Variants in OSBPL2 observed in about 807,000 individuals in gnomAD.
The protein encoded by OSBPL2 is oxysterol-binding protein-related protein 2.
OSBPL2 carries 18 observed loss-of-function variants against 58.4 expected under a neutral mutation model. That is an observed-to-expected ratio of 0.31 (90% CI 0.21 to 0.46). OSBPL2 has a LOEUF of 0.46. Ranked by LOEUF, OSBPL2 falls within the 20% of genes least tolerant of loss-of-function variation. The probability of loss-of-function intolerance (pLI) is 1.00; values close to 1 mark genes in which losing one functional copy is unlikely to be tolerated. For synonymous variants in OSBPL2, 221 were observed against 234.1 expected, an observed-to-expected ratio of 0.94 and a Z score of 0.51; for missense variants, 461 against 616.5, an observed-to-expected ratio of 0.75 and a Z score of 2.67.
At chr20:62,289,042 G>A (rs1032528850) in intron 11 of OSBPL2, among the ~76,000 whole-genome samples, 165 bp from the exon 12 acceptor site, 6 of 152,186 alleles carry the variant, frequency 3.9e-5, no homozygotes, top group South Asian at 2.1e-4. Flanking sequence ...TAGTGAAGAC[G>A]GCAGAGGCAT....
intron 3 of OSBPL2, among the ~76,000 whole-genome samples, chr20:62,260,860 C>T (rs1981250649): frequency 6.6e-6 from 1 of 152,076 alleles, no homozygotes; most frequent in Non-Finnish European, 1.5e-5. Context: ...CATGGTGGTG[C>T]ACGCCTCTGG....
In OSBPL2 at chr20:62,281,730, G is replaced by A. The variant is rs1982799585; in HGVS notation, c.783-60G>A. On this transcript the variant is annotated intron_variant, in intron 8 of 13. Coordinates refer to ENST00000313733, the MANE Select transcript of OSBPL2 (RefSeq NM_144498.4). Reference sequence around the variant, plus strand: ...TCCACCGCGCTTCTCCTGTTACAGAGTTACCCTTTCCGGCTGTTTGCTGTC... The same window carrying A: ...TCCACCGCGCTTCTCCTGTTACAGAATTACCCTTTCCGGCTGTTTGCTGTC... The A allele has an allele frequency of 2.3e-6, 3 of 1,327,818 alleles. No individual in the cohort carries two copies. The African/African-American group carries it at 4.3e-5, about 19-fold the overall frequency. 82.3% of individuals were successfully genotyped at this position (1,327,818 alleles called of 1,614,324 possible). A position where few individuals can be genotyped will look rare whatever the true frequency, so the allele number is the denominator to read the frequency against.
At chr20:62,252,102 T>C (rs80276526) in intron 1 of OSBPL2, among the ~76,000 whole-genome samples, 1,693 of 151,790 alleles carry the variant, frequency 0.011, 18 homozygotes, top group Non-Finnish European at 0.014. Context: ...CAGGCTGATA[T>C]CCAACCCCTG....
rs1332232680 is a variant in OSBPL2, at chr20:62,272,042, G to C, written c.259-83G>C. 4.6e-6 allele frequency: 7 copies of C among 1,528,932 alleles called. No homozygotes were observed. The African/African-American group carries it at 6.8e-5, about 15-fold the overall frequency. The allele number at this position is 1,528,932 out of a possible 1,614,324, so 94.7% of individuals were successfully genotyped here. The stretch of plus-strand genomic sequence containing the variant: ...ACCCCAGAGGCTGCGGCTCCATGAA[G>C]GGATGCTCAGAGCAGGGGCATCGGG... On this transcript the variant is annotated intron_variant, in intron 4 of 13. Coordinates refer to ENST00000313733, the MANE Select transcript of OSBPL2 (RefSeq NM_144498.4).
At chr20:62,251,247 G>A (rs1980514291) in intron 1 of OSBPL2, among the ~76,000 whole-genome samples, 1 of 151,078 alleles carries the variant, frequency 6.6e-6, no homozygotes. Context: ...GTAGAGACAG[G>A]GTTTCACTGT....
At chr20:62,241,212 C>T (rs1356848823) in intron 1 of OSBPL2, among the ~76,000 whole-genome samples, 1 of 151,930 alleles carries the variant, frequency 6.6e-6, no homozygotes, top group Non-Finnish European at 1.5e-5. Flanking sequence ...GCTCTGTCGC[C>T]CAGGCTGGAG....
intron 10 of OSBPL2, 94 bp downstream of exon 10, chr20:62,284,263 G>A: frequency 6.8e-7 from 1 of 1,470,110 alleles, no homozygotes; most frequent in Admixed American, 1.7e-5. Context: ...GGGGTCCCAG[G>A]GAACCTTTGG....
chr20:62,287,582 T>A (rs4925369), intron 11 of OSBPL2, among the ~76,000 whole-genome samples: 6 of 152,148 alleles, frequency 3.9e-5, no homozygotes, highest in Non-Finnish European at 5.9e-5. Context: ...TCAGCCTCCC[T>A]AGTAGCGAGG....
At chr20:62,279,778 G>A (rs140117015) in intron 7 of OSBPL2, 3 of 221,150 alleles carry the variant, frequency 1.4e-5, no homozygotes, top group African/African-American at 4.7e-5. Flanking sequence ...GTTGCCCATG[G>A]CGCCTGTGTC....
intron 9 of OSBPL2, among the ~76,000 whole-genome samples, chr20:62,283,196 T>C (rs1326474480): frequency 6.6e-6 from 1 of 152,158 alleles, no homozygotes; most frequent in Non-Finnish European, 1.5e-5. Flanking sequence ...AGTGAGTGCA[T>C]GTAAAGTGTG....
chr20:62,280,895 A>T (rs1982736670), intron 7 of OSBPL2, among the ~76,000 whole-genome samples, 163 bp from the exon 8 acceptor site: 1 of 152,258 alleles, frequency 6.6e-6, no homozygotes, highest in Non-Finnish European at 1.5e-5. Flanking sequence ...TTTCAAACGC[A>T]TGCTAAATAC....
chr20:62,268,322 T>C (rs1411702744), intron 4 of OSBPL2, among the ~76,000 whole-genome samples: 1 of 152,166 alleles, frequency 6.6e-6, no homozygotes, highest in Non-Finnish European at 1.5e-5. Flanking sequence ...TTTAATTTTC[T>C]TTTTAAATTA....
In OSBPL2 at chr20:62,291,778, C is replaced by T. The variant is rs1285608037; in HGVS notation, c.1325C>T (p.Ala442Val). 1.2e-6 allele frequency: 2 copies of T among 1,611,612 alleles called. No homozygotes were observed. The highest frequency in any genetic ancestry group is 8.5e-7 in the Non-Finnish European group (1 of 1,179,510). The change falls in exon 13 of 14, where the codon GCA becomes GTA. Residue 442 changes from alanine (A) to valine (V), a missense_variant. Ala to Val is a moderately conservative substitution (Grantham distance 64). Around this residue, in one of 5 missense-constraint regions of OSBPL2, gnomAD observed 319 missense variants for 419.2 expected, o/e 0.76. Coordinates refer to ENST00000313733, the MANE Select transcript of OSBPL2 (RefSeq NM_144498.4). ...EARRERAKEE[A>V]EWQTRWFYPG... is the part of the protein sequence containing the mutation. ...CGGAGGGAGCGGGCCAAGGAGGAGG[C>T]AGAGTGGCAGACGAGGTGAGTACTG...
intron 2 of OSBPL2, among the ~76,000 whole-genome samples, chr20:62,258,770 T>C (rs1293400467): frequency 3.3e-5 from 5 of 152,226 alleles, no homozygotes; most frequent in Non-Finnish European, 7.3e-5. Flanking sequence ...GGGCAGGTCC[T>C]GCCCCACGGA....
chr20:62,238,917 C>T (rs1429289492), intron 1 of OSBPL2: 1 of 152,160 alleles, frequency 6.6e-6, no homozygotes, highest in Non-Finnish European at 1.5e-5. Flanking sequence ...CCCGGGACCC[C>T]CGGCCCGGCC....
intron 1 of OSBPL2, 117 bp downstream of exon 1, chr20:62,238,714 C>T (rs1273730389): frequency 6.7e-6 from 1 of 150,258 alleles, no homozygotes; most frequent in African/African-American, 2.4e-5. Context: ...CGGGCAGGAC[C>T]CGGGTCCGCA....
intron 1 of OSBPL2, among the ~76,000 whole-genome samples, chr20:62,251,857 T>C (rs1980565690): frequency 6.7e-6 from 1 of 148,250 alleles, no homozygotes; most frequent in South Asian, 2.1e-4. Context: ...TCATTTTAAT[T>C]GGTATGCCTT....
chr20:62,251,209 C>T (rs1211146579), intron 1 of OSBPL2, among the ~76,000 whole-genome samples: 1 of 151,166 alleles, frequency 6.6e-6, no homozygotes, highest in East Asian at 2.0e-4. Context: ...GCGCCGGCCA[C>T]CACGCCCGGC....
Position 62,263,709 on chromosome 20 carries a change from T to C in OSBPL2, c.258+18T>C, listed in dbSNP as rs775862096. The C allele has an allele frequency of 6.2e-7, 1 of 1,603,526 alleles. No individual in the cohort carries two copies. Among genetic ancestry groups the C allele is most frequent in the Non-Finnish European group, 8.5e-7 (1 of 1,170,558 alleles). On this transcript the variant is annotated intron_variant, in intron 4 of 13. Coordinates refer to ENST00000313733, the MANE Select transcript of OSBPL2 (RefSeq NM_144498.4). ...TTGGCCTGGTGAGTCCGGGGGCCCG[T>C]GTTCACACATGGGGCTGCACCACTG...
Sources: gnomAD v4.1 joint callset for allele counts (sites outside exome capture counted in the v4.1 genomes callset) on GRCh38, gnomAD v4.1.1 for gene constraint, gnomAD v4.1.1 regional missense constraint, MANE v1.5 for transcripts, NCBI Gene and HGNC (gene_info 2026-07-23, HGNC 2026-07-21) for gene names.